Variants in DLG2 observed in about 807,000 individuals in gnomAD.
DLG2 encodes the protein discs large MAGUK scaffold protein 2, also known as disks large homolog 2.
DLG2 carries 45 observed loss-of-function variants against 132.5 expected under a neutral mutation model. The observed-to-expected ratio is 0.34, with a 90% CI of 0.27 to 0.44. The LOEUF (loss-of-function observed/expected upper bound fraction) is 0.44. Among genes scored for constraint, DLG2 ranks in the 20% least tolerant of loss-of-function variants. The probability of loss-of-function intolerance (pLI) is 1.00; values close to 1 mark genes in which losing one functional copy is unlikely to be tolerated. For missense variants in DLG2, 1,045 were observed against 1,196.9 expected (o/e 0.87, Z 1.87); for synonymous variants, 424 against 419.6 (o/e 1.01, Z -0.13).
chr11:84,493,547 T>C (rs1405199825), intron 7 of DLG2, among the ~76,000 whole-genome samples: 2 of 152,026 alleles, frequency 1.3e-5, no homozygotes, highest in Non-Finnish European at 2.9e-5. Flanking sequence ...TTGGATACTG[T>C]AGTAGTCAGA....
intron 8 of DLG2, among the ~76,000 whole-genome samples, chr11:84,247,501 G>A (rs116714017): frequency 2.4e-4 from 37 of 152,180 alleles, no homozygotes; most frequent in South Asian, 6.2e-4. Flanking sequence ...CTGCTTGGGT[G>A]ATTTTAATTT....
rs182189934 is a variant in DLG2, at chr11:84,272,321, C to T, written c.520-21030G>A. 4,108 of 424,858 alleles carry T rather than the reference C, an allele frequency of 9.7e-3. 25 individuals carry two copies. Among genetic ancestry groups the T allele is most frequent in the South Asian group, 0.018 (1,076 of 58,872 alleles). The allele number at this position is 424,858 out of a possible 1,614,324, so 26.3% of individuals were successfully genotyped here. A position where few individuals can be genotyped will look rare whatever the true frequency, so the allele number is the denominator to read the frequency against. ...TCCAACTGTTGAAAGAAGCATATCT[C>T]TTGAGTTTCTATGTCAGAAATAATG... On this transcript the variant is annotated intron_variant, in intron 7 of 27. Transcript: ENST00000376104.
intron 19 of DLG2, among the ~76,000 whole-genome samples, chr11:83,601,706 T>C (rs1468789922): frequency 6.6e-6 from 1 of 151,686 alleles, no homozygotes; most frequent in African/African-American, 2.4e-5. Context: ...TTCTTTTTTT[T>C]TTTGGTAGAG....
intron 10 of DLG2, among the ~76,000 whole-genome samples, chr11:84,091,232 A>T (rs2097088154): frequency 6.6e-6 from 1 of 152,232 alleles, no homozygotes; most frequent in Non-Finnish European, 1.5e-5. Context: ...CTGTTCAGAG[A>T]AATTCATCTA....
chr11:84,222,108 C>G (rs771120997), intron 8 of DLG2, among the ~76,000 whole-genome samples: 1 of 152,102 alleles, frequency 6.6e-6, no homozygotes, highest in African/African-American at 2.4e-5. Flanking sequence ...TCTCGGCTCA[C>G]TGCAACCTCC....
At chr11:85,253,388 A>G (rs1465173631) in intron 4 of DLG2, among the ~76,000 whole-genome samples, 2 of 152,198 alleles carry the variant, frequency 1.3e-5, no homozygotes, top group African/African-American at 4.8e-5. Flanking sequence ...AACTGGAGTG[A>G]ACAGGTGCTG....
chr11:84,353,956 C>T (rs1014739640), intron 7 of DLG2, among the ~76,000 whole-genome samples: 1 of 152,146 alleles, frequency 6.6e-6, no homozygotes, highest in African/African-American at 2.4e-5. Context: ...ACTCTCATTC[C>T]TCTCCTCCAT....
intron 15 of DLG2, among the ~76,000 whole-genome samples, chr11:83,891,028 T>C (rs2069667608): frequency 6.6e-6 from 1 of 152,150 alleles, no homozygotes; most frequent in African/African-American, 2.4e-5. Context: ...CTGATTAGTT[T>C]GAGGGAATAT....
chr11:84,034,276 T>C (rs2095800115), intron 11 of DLG2, among the ~76,000 whole-genome samples: 2 of 152,234 alleles, frequency 1.3e-5, no homozygotes, highest in South Asian at 4.1e-4. Flanking sequence ...TAGCATTTTT[T>C]AGTTATAAAG....
chr11:83,586,123 G>T lies in DLG2; in HGVS notation c.1941-44265C>A, dbSNP rs776546583. Reference sequence around the variant, plus strand: ...GAACAGACAAAAACAGGTGCTTCAGGACAGCTAGAGAATCTGGATGGATGC... The same window carrying T: ...GAACAGACAAAAACAGGTGCTTCAGTACAGCTAGAGAATCTGGATGGATGC... On this transcript the variant is annotated intron_variant, in intron 19 of 27. Coordinates refer to ENST00000376104, the MANE Select transcript of DLG2 (RefSeq NM_001142699.3). Among the ~76,000 whole-genome samples, 5 of 152,200 alleles carry T rather than the reference G, an allele frequency of 3.3e-5. No homozygotes were observed. In the East Asian group the frequency reaches 9.6e-4, roughly 29 times the overall value.
intron 18 of DLG2, among the ~76,000 whole-genome samples, chr11:83,685,706 C>G (rs2079619593): frequency 1.3e-5 from 2 of 150,400 alleles, no homozygotes; most frequent in Admixed American, 1.3e-4. Context: ...GATCTCCAGT[C>G]TCAATCTGTG....
At chr11:85,542,978 C>T (rs1411824202) in intron 3 of DLG2, among the ~76,000 whole-genome samples, 1 of 151,984 alleles carries the variant, frequency 6.6e-6, no homozygotes, top group East Asian at 1.9e-4. Context: ...TGTAGCTATA[C>T]AAAATTGATT....
intron 18 of DLG2, among the ~76,000 whole-genome samples, chr11:83,708,711 A>G (rs1271482682): frequency 6.6e-6 from 1 of 152,216 alleles, no homozygotes; most frequent in Non-Finnish European, 1.5e-5. Flanking sequence ...CTACTTAATT[A>G]CAATTTACAT....
chr11:84,174,091 T>C (rs2095888304), intron 8 of DLG2, among the ~76,000 whole-genome samples: 1 of 131,152 alleles, frequency 7.6e-6, no homozygotes, highest in Non-Finnish European at 1.6e-5. Context: ...ACAGAACAGA[T>C]GCTCTTGCCT....
chr11:83,586,702 A>C (rs1475443469), intron 19 of DLG2, among the ~76,000 whole-genome samples: 6 of 152,314 alleles, frequency 3.9e-5, no homozygotes, highest in Admixed American at 3.9e-4. Flanking sequence ...TATTTTATTA[A>C]CATTTTTTGA....
chr11:85,394,651 G>A (rs2087124176), intron 3 of DLG2, among the ~76,000 whole-genome samples: 1 of 152,142 alleles, frequency 6.6e-6, no homozygotes, highest in Non-Finnish European at 1.5e-5. Flanking sequence ...CATTTATTGA[G>A]CAATGAATCA....
At chr11:83,583,998 G>C (rs1294375788) in intron 19 of DLG2, among the ~76,000 whole-genome samples, 1 of 152,150 alleles carries the variant, frequency 6.6e-6, no homozygotes, top group African/African-American at 2.4e-5. Context: ...TTAACTCAGT[G>C]TCAGAAAGTG....
chr11:84,317,068 G>A (rs749904444), intron 7 of DLG2: 2 of 1,612,746 alleles, frequency 1.2e-6, no homozygotes, highest in Admixed American at 1.7e-5. Context: ...CCCTGATCAG[G>A]GTGGGCGCAC....
At chr11:83,669,690 A>G (rs1014394645) in intron 18 of DLG2, among the ~76,000 whole-genome samples, 4 of 152,224 alleles carry the variant, frequency 2.6e-5, no homozygotes, top group African/African-American at 9.6e-5. Flanking sequence ...TATGCCCTGA[A>G]ATAAAGAGGA....
Sources: gnomAD v4.1 joint callset for allele counts (sites outside exome capture counted in the v4.1 genomes callset) on GRCh38, gnomAD v4.1.1 for gene constraint, MANE v1.5 for transcripts, NCBI Gene and HGNC (gene_info 2026-07-23, HGNC 2026-07-21) for gene names.